CFAP210: variants seen among roughly 807,000 people sequenced by gnomAD.
The protein encoded by CFAP210 is cilia- and flagella- associated protein 210.
the CFAP210 span, among the ~76,000 whole-genome samples, chr2:169,667,135 C>CTTTTTTTTTTTTTTTTTTTT: frequency 8.3e-6 from 1 of 120,284 alleles, no homozygotes. Context: ...CACAAATTTT[C>CTTTTTTTTTTTTTTTTTTTT]TTTTTTCTTT....
the CFAP210 span, among the ~76,000 whole-genome samples, chr2:169,663,076 G>A: frequency 7.2e-5 from 11 of 152,090 alleles, no homozygotes; most frequent in African/African-American, 2.4e-4. Flanking sequence ...CACCACTATC[G>A]CTACCAGGAG....
At chr2:169,690,615 A>G in the CFAP210 span, among the ~76,000 whole-genome samples, 2 of 151,254 alleles carry the variant, frequency 1.3e-5, no homozygotes, top group African/African-American at 4.9e-5. Context: ...GTGAGCCGAG[A>G]TCATGCCACT....
the CFAP210 span, among the ~76,000 whole-genome samples, chr2:169,685,431 C>A: frequency 1.3e-5 from 2 of 152,140 alleles, no homozygotes; most frequent in African/African-American, 4.8e-5. Flanking sequence ...CAGTTCAAAT[C>A]ATTTGTCCCT....
At chr2:169,677,017 C>T in the CFAP210 span, among the ~76,000 whole-genome samples, 1 of 152,170 alleles carries the variant, frequency 6.6e-6, no homozygotes, top group Admixed American at 6.6e-5. Context: ...CCCATTCATG[C>T]ATAAGGAGCT....
chr2:169,647,826 T>C, the CFAP210 span, among the ~76,000 whole-genome samples: 1 of 152,030 alleles, frequency 6.6e-6, no homozygotes, highest in African/African-American at 2.4e-5. Flanking sequence ...CACAGAGTAT[T>C]TTTAAAACTT....
At chr2:169,662,423 C>T in the CFAP210 span, 27 of 1,589,494 alleles carry the variant, frequency 1.7e-5, no homozygotes, top group Admixed American at 3.9e-4. Context: ...TCTTCTTCCT[C>T]ATGTTCCTTT....
chr2:169,650,824 T>A, the CFAP210 span, among the ~76,000 whole-genome samples: 3 of 151,414 alleles, frequency 2.0e-5, no homozygotes, highest in Admixed American at 6.6e-5. Context: ...TTAGGCCAGG[T>A]GTGGTAGCTC....
chr2:169,672,521 G>A, the CFAP210 span, among the ~76,000 whole-genome samples: 1 of 152,320 alleles, frequency 6.6e-6, no homozygotes, highest in African/African-American at 2.4e-5. Flanking sequence ...CCTTCAGTCT[G>A]TGGCCAAAGG....
the CFAP210 span, among the ~76,000 whole-genome samples, chr2:169,684,952 G>A: frequency 5.9e-5 from 9 of 152,258 alleles, no homozygotes; most frequent in East Asian, 1.7e-3. Context: ...AACCATGCCT[G>A]GCCCTAATTC....
chr2:169,687,114 T>G, the CFAP210 span, among the ~76,000 whole-genome samples: 1 of 152,146 alleles, frequency 6.6e-6, no homozygotes, highest in African/African-American at 2.4e-5. Flanking sequence ...CCAGCCCCCA[T>G]GATTCAATTA....
At chr2:169,656,185 C>T in the CFAP210 span, among the ~76,000 whole-genome samples, 1 of 151,952 alleles carries the variant, frequency 6.6e-6, no homozygotes. Flanking sequence ...AGCTACCAGG[C>T]AGGCTGAGGT....
chr2:169,681,194 G>C, the CFAP210 span: 4 of 1,613,552 alleles, frequency 2.5e-6, no homozygotes, highest in Non-Finnish European at 3.4e-6. Flanking sequence ...AGGTAGAAGA[G>C]GCAGATAGAG....
At chr2:169,676,907 G>A in the CFAP210 span, among the ~76,000 whole-genome samples, 4 of 152,272 alleles carry the variant, frequency 2.6e-5, no homozygotes, top group East Asian at 5.8e-4. Context: ...AAACAATGGA[G>A]GAAAGTAGGG....
At chr2:169,646,135 A>G in the CFAP210 span, 4,106 of 1,613,434 alleles carry the variant, frequency 2.5e-3, 6 homozygotes, top group Non-Finnish European at 3.2e-3. Flanking sequence ...GTCTGCAATA[A>G]TCTAATTCTG....
the CFAP210 span, among the ~76,000 whole-genome samples, chr2:169,666,777 C>T: frequency 1.4e-4 from 22 of 152,272 alleles, no homozygotes; most frequent in African/African-American, 5.3e-4. Context: ...TCCTCTCCAC[C>T]TGCTGCTGCT....
the CFAP210 span, among the ~76,000 whole-genome samples, chr2:169,672,908 C>T: frequency 2.8e-4 from 43 of 152,308 alleles, no homozygotes; most frequent in Non-Finnish European, 5.4e-4. Flanking sequence ...TCCTCCCTCT[C>T]CTAATTCCCC....
chr2:169,680,999 ATACT>A, the CFAP210 span: 9 of 1,611,086 alleles, frequency 5.6e-6, no homozygotes, highest in Non-Finnish European at 7.6e-6. Flanking sequence ...TGGATGGTTA[ATACT>A]TACTGCATAT....
At chr2:169,679,196 C>G in the CFAP210 span, among the ~76,000 whole-genome samples, 1 of 152,148 alleles carries the variant, frequency 6.6e-6, no homozygotes, top group African/African-American at 2.4e-5. Context: ...GTTCATAGAC[C>G]TATACAGGAA....
At chr2:169,671,629 T>C in the CFAP210 span, among the ~76,000 whole-genome samples, 1 of 152,144 alleles carries the variant, frequency 6.6e-6, no homozygotes, top group African/African-American at 2.4e-5. Context: ...CCACCATGCT[T>C]GGCTAATTTT....
Sources: allele counts gnomAD v4.1 joint callset (sites outside exome capture counted in the v4.1 genomes callset), GRCh38; gene constraint gnomAD v4.1.1; transcripts MANE v1.5; gene names NCBI Gene and HGNC (gene_info 2026-07-23, HGNC 2026-07-21).